Variants in RFLNA observed in about 807,000 individuals in gnomAD.
The protein encoded by RFLNA is refilin-A.
Under a neutral mutation model 7.8 loss-of-function variants are expected in RFLNA, and 5 were observed. The observed-to-expected ratio is 0.64, with a 90% CI of 0.34 to 1.35. The LOEUF (loss-of-function observed/expected upper bound fraction) is 1.35. Among genes scored for constraint, RFLNA ranks in the 40% most tolerant of loss-of-function variants. The pLI is 0.04. For synonymous variants in RFLNA, 141 were observed against 131.3 expected (o/e 1.07, Z -0.50); for missense variants, 278 against 305.5 (o/e 0.91, Z 0.67).
chr12:124,294,771 CTT>C (rs1230728271), upstream of RFLNA, among the ~76,000 whole-genome samples: 2 of 152,250 alleles, frequency 1.3e-5, no homozygotes, highest in African/African-American at 4.8e-5. Context: ...TCTCAAGCTG[CTT>C]TTATTGGGAC....
upstream of RFLNA, among the ~76,000 whole-genome samples, chr12:124,291,718 CT>C (rs5801541): frequency 3.2e-4 from 48 of 148,710 alleles, no homozygotes; most frequent in Admixed American, 1.6e-3. Flanking sequence ...GTGAAAAAGC[CT>C]TTTTTTTTTT....
chr12:124,310,492 GGGGAGGGGGAGGTGGACTGCA>G (rs147310029), intron 1 of RFLNA, among the ~76,000 whole-genome samples: 132,647 of 141,172 alleles, frequency 0.94, 62,517 homozygotes, highest in East Asian at 0.99. Flanking sequence ...GCTGAGCTGT[GGGGAGGGGGAGGTGGACTGCA>G]GGGAGGGGGA....
At chr12:124,299,185 C>G (rs984120674) in intron 1 of RFLNA, among the ~76,000 whole-genome samples, 1 of 152,196 alleles carries the variant, frequency 6.6e-6, no homozygotes, top group Admixed American at 6.5e-5. Context: ...GGAGGGTGCC[C>G]GTGCGGGACG....
chr12:124,302,205 A>G (rs1053364045), intron 1 of RFLNA, among the ~76,000 whole-genome samples: 2 of 152,202 alleles, frequency 1.3e-5, no homozygotes, highest in Non-Finnish European at 2.9e-5. Context: ...TGACAGTTGC[A>G]GGTACCAGGG....
chr12:124,296,659 TC>T (rs1170583408), intron 1 of RFLNA, among the ~76,000 whole-genome samples: 1 of 152,150 alleles, frequency 6.6e-6, no homozygotes, highest in Non-Finnish European at 1.5e-5. Context: ...AAGGAGCGGC[TC>T]CCCGGCCTCA....
chr12:124,304,505 A>AGG (rs2034104445), intron 1 of RFLNA, among the ~76,000 whole-genome samples: 1 of 152,236 alleles, frequency 6.6e-6, no homozygotes. Context: ...CCGGGCGGAA[A>AGG]GGGGCTGCCT....
At chr12:124,294,059 T>TAG (rs1306160254), upstream of RFLNA, among the ~76,000 whole-genome samples, 1 of 152,182 alleles carries the variant, frequency 6.6e-6, no homozygotes, top group Non-Finnish European at 1.5e-5. Flanking sequence ...CCTGCTGTCT[T>TAG]ACGCCTGCCC....
intron 1 of RFLNA, among the ~76,000 whole-genome samples, chr12:124,299,539 T>C (rs976078750): frequency 7.2e-5 from 11 of 152,190 alleles, no homozygotes; most frequent in Non-Finnish European, 1.3e-4. Flanking sequence ...CCAAAGTCCA[T>C]TGTGTCATTC....
chr12:124,300,380 A>C (rs1446374442), intron 1 of RFLNA, among the ~76,000 whole-genome samples: 1 of 152,188 alleles, frequency 6.6e-6, no homozygotes, highest in Non-Finnish European at 1.5e-5. Flanking sequence ...AGCCATCCCT[A>C]AGAACTCCCC....
chr12:124,311,976 G>C, intron 2 of RFLNA, 49 bp downstream of exon 2: 5 of 1,184,138 alleles, frequency 4.2e-6, no homozygotes, highest in Non-Finnish European at 5.9e-6. Flanking sequence ...GGGGGGTTGG[G>C]TGCTGGTCCT....
chr12:124,296,126 C>CTTTTTCTTTCTT (rs1566320083), intron 1 of RFLNA, among the ~76,000 whole-genome samples: 1 of 1,518 alleles, frequency 6.6e-4, no homozygotes, highest in African/African-American at 1.1e-3. Context: ...CTTTCTTTCT[C>CTTTTTCTTTCTT]TCTCTCTCTC....
chr12:124,315,876 TTCCGTTCACA>T lies in RFLNA; in HGVS notation c.*1355_*1364del, dbSNP rs1198776326. On this transcript the variant is annotated 3_prime_UTR_variant, in exon 3 of 3. Transcript: ENST00000546355. ...CCTCTGTGGAGGTGAGGAGGGGAGA[TTCCGTTCACA>T]TCCAGGAGGGGCAAAATGACTGATG... The T allele has an allele frequency of 6.6e-6, 1 of 152,216 alleles. No individual in the cohort carries two copies. Among genetic ancestry groups the T allele is most frequent in the African/African-American group, 2.4e-5 (1 of 41,446 alleles). The allele number at this position is 152,216 out of a possible 1,614,324, so 9.4% of individuals were successfully genotyped here. A position where few individuals can be genotyped will look rare whatever the true frequency, so the allele number is the denominator to read the frequency against.
chr12:124,300,578 G>GGATGGATAGATA (rs1389541595), intron 1 of RFLNA, among the ~76,000 whole-genome samples: 1 of 151,864 alleles, frequency 6.6e-6, no homozygotes, highest in African/African-American at 2.4e-5. Context: ...ATGGATGGAT[G>GGATGGATAGATA]GATGGATAGA....
chr12:124,311,026 A>C (rs1440145270), intron 1 of RFLNA, among the ~76,000 whole-genome samples: 2 of 152,136 alleles, frequency 1.3e-5, no homozygotes, highest in Admixed American at 6.5e-5. Context: ...TTGATCTTTC[A>C]CATCTTTGAC....
intron 1 of RFLNA, among the ~76,000 whole-genome samples, chr12:124,297,145 C>T (rs1331916792): frequency 6.6e-6 from 1 of 152,110 alleles, no homozygotes; most frequent in Non-Finnish European, 1.5e-5. Context: ...GAAAAACGAC[C>T]TGGAATCCGC....
In RFLNA at chr12:124,311,935, G is replaced by A; in HGVS notation, c.317+8G>A. The A allele has an allele frequency of 1.3e-6, 2 of 1,572,358 alleles. No individual in the cohort carries two copies. The highest frequency in any genetic ancestry group is 1.2e-5 in the South Asian group (1 of 85,386). On this transcript the variant is annotated splice_region_variant and intron_variant, in intron 2 of 2. Transcript: ENST00000546355. ...ACCCACGCATGAGATCCGGTGAGTG[G>A]GCCACTGGGCTCTGCGCGGGAGGAG... is the stretch of plus-strand genomic sequence containing the variant.
Position 124,314,935 on chromosome 12 carries a change from C to T in RFLNA, c.*410C>T, listed in dbSNP as rs915680155. 2 of 371,490 alleles carry T rather than the reference C, an allele frequency of 5.4e-6. No homozygotes were observed. The highest frequency in any genetic ancestry group is 1.1e-5 in the Non-Finnish European group (2 of 189,544). The allele number at this position is 371,490 out of a possible 1,614,324, so 23.0% of individuals were successfully genotyped here. ...GGGACGGCTGCCACTCCCCCAGAGC[C>T]CTGCCACCCCATGTGTCCTAGGCTG... On this transcript the variant is annotated 3_prime_UTR_variant, in exon 3 of 3. Transcript: ENST00000546355.
At position 124,296,072 on chromosome 12, in the gene RFLNA, T is replaced by TTTTC. The variant is rs1165061619; in HGVS notation, c.207+486_207+489dup. 8.9e-4 allele frequency among the ~76,000 whole-genome samples: 84 copies of TTTTC among 94,700 alleles called. 21 individuals are homozygous for TTTTC. The highest frequency in any genetic ancestry group is 3.9e-3 in the African/African-American group (79 of 20,268). The allele number at this position is 94,700 out of a possible 152,430, so 62.1% of individuals were successfully genotyped here. ...TCCGGGCGCTGCCAATGTGAAAGCC[T>TTTTC]TTTCTTTCTTTCTTTCTTTCTTTCT... On this transcript the variant is annotated intron_variant, in intron 1 of 2. Coordinates refer to ENST00000546355, the MANE Select transcript of RFLNA (RefSeq NM_001365156.1).
chr12:124,291,374 C>T (rs893598075), upstream of RFLNA, among the ~76,000 whole-genome samples: 3 of 152,158 alleles, frequency 2.0e-5, no homozygotes, highest in African/African-American at 7.2e-5. Flanking sequence ...CCTGCCTCAG[C>T]CTCCTGTGTA....
Sources: gnomAD v4.1 joint callset for allele counts (sites outside exome capture counted in the v4.1 genomes callset) on GRCh38, gnomAD v4.1.1 for gene constraint, MANE v1.5 for transcripts, NCBI Gene and HGNC (gene_info 2026-07-23, HGNC 2026-07-21) for gene names.